The following SUPV3L1 variants were observed in gnomAD, a reference collection of about 807,000 sequenced individuals.
SUPV3L1 encodes ATP-dependent RNA helicase SUPV3L1, mitochondrial.
SUPV3L1 carries 35 observed loss-of-function variants against 70.0 expected under a neutral mutation model. The ratio of observed to expected loss-of-function variants is 0.50; its 90% CI spans 0.38 to 0.66. SUPV3L1 has a LOEUF of 0.66. SUPV3L1 is among the 30% of genes least tolerant of loss of function. SUPV3L1 has a pLI of 0.00. For synonymous variants in SUPV3L1, 364 were observed against 341.9 expected (o/e 1.06, Z -0.71); for missense variants, 777 against 961.5 (o/e 0.81, Z 2.54).
Position 69,198,315 on chromosome 10 carries a change from T to C in SUPV3L1, c.1024-57T>C, listed in dbSNP as rs932236926. 2.7e-6 allele frequency: 4 copies of C among 1,481,928 alleles called. No homozygotes were observed. In the South Asian group the frequency reaches 5.3e-5, roughly 20 times the overall value. The allele number at this position is 1,481,928 out of a possible 1,614,324, so 91.8% of individuals were successfully genotyped here. On this transcript the variant is annotated intron_variant, in intron 8 of 14. Transcript: ENST00000359655. Reference sequence around the variant, plus strand: ...CATTACAATCTTTTCACTTAATTACTAGTCACAAGAAGTTGAGTTGGGTGT... The same window carrying C: ...CATTACAATCTTTTCACTTAATTACCAGTCACAAGAAGTTGAGTTGGGTGT...
intron 7 of SUPV3L1, among the ~76,000 whole-genome samples, chr10:69,195,829 ACCT>A (rs1842527946): frequency 6.6e-6 from 1 of 151,978 alleles, no homozygotes; most frequent in African/African-American, 2.4e-5. Context: ...TGCAGCCTTG[ACCT>A]CCTGGGCTCA....
intron 2 of SUPV3L1, among the ~76,000 whole-genome samples, 174 bp downstream of exon 2, chr10:69,186,238 C>T (rs568909905): frequency 2.0e-4 from 30 of 148,816 alleles, no homozygotes; most frequent in South Asian, 6.5e-4. Context: ...CCATACTGCA[C>T]GGCAGAGGAG....
rs952364277 is a variant in SUPV3L1 at position 69,182,521 on chromosome 10, T to C, written c.271+1959T>C. 8.1e-6 allele frequency: 8 copies of C among 985,250 alleles called. No homozygotes were observed. In the African/African-American group the frequency reaches 1.4e-4, roughly 17 times the overall value. 61.0% of individuals were successfully genotyped at this position (985,250 alleles called of 1,614,324 possible). ...TTGATAAATTCTTATTTTCTGCAGC[T>C]ATTCCAATTCACCTGAAAATGTAAA... On this transcript the variant is annotated intron_variant, in intron 1 of 14. Coordinates refer to ENST00000359655, the MANE Select transcript of SUPV3L1 (RefSeq NM_003171.5).
At position 69,191,625 on chromosome 10, in the gene SUPV3L1, A is replaced by G. The variant is rs111828682; in HGVS notation, c.742-30A>G. The G allele has an allele frequency of 1.1e-4, 176 of 1,583,246 alleles. 4 individuals are homozygous for G. The African/African-American group carries it at 1.6e-3, about 15-fold the overall frequency. On this transcript the variant is annotated intron_variant, in intron 5 of 14. Transcript: ENST00000359655. ...AAAACGTATTTTTGCATTATTTTCAATAATTCTAGTTTTTTTTCTGTCTTT... is the reference window on the plus strand; with the variant it reads ...AAAACGTATTTTTGCATTATTTTCAGTAATTCTAGTTTTTTTTCTGTCTTT...
At chr10:69,191,504 G>T in intron 5 of SUPV3L1, 151 bp from the exon 6 acceptor site, 1 of 625,340 alleles carries the variant, frequency 1.6e-6, no homozygotes, top group Non-Finnish European at 2.8e-6. Context: ...TGGGATTACA[G>T]GCATGAGCCA....
At chr10:69,190,576 TCTTA>T (rs1252308934) in intron 5 of SUPV3L1, among the ~76,000 whole-genome samples, 3 of 152,238 alleles carry the variant, frequency 2.0e-5, no homozygotes, top group Non-Finnish European at 2.9e-5. Context: ...GATAGATTAC[TCTTA>T]CTTAATACAC....
rs187895733 is a variant in SUPV3L1 at position 69,195,102 on chromosome 10, G to T, written c.854-86G>T. 220 of 1,035,656 alleles carry T rather than the reference G, an allele frequency of 2.1e-4. No homozygotes were observed. In the African/African-American group the frequency reaches 2.9e-3, roughly 14 times the overall value. 64.2% of individuals were successfully genotyped at this position (1,035,656 alleles called of 1,614,324 possible). The stretch of plus-strand genomic sequence containing the variant: ...AGTAAGTGATGGTGGTAGTGGTGAT[G>T]GTGATGCTTGAATTTTGGTGTTGGA... On this transcript the variant is annotated intron_variant, in intron 6 of 14. Coordinates refer to ENST00000359655, the MANE Select transcript of SUPV3L1 (RefSeq NM_003171.5).
At chr10:69,205,523 C>T (rs375902190) in intron 13 of SUPV3L1, among the ~76,000 whole-genome samples, 5 of 151,792 alleles carry the variant, frequency 3.3e-5, no homozygotes, top group African/African-American at 7.2e-5. Flanking sequence ...TACAGGTGTG[C>T]GCCATGATGC....
chr10:69,201,347 CG>C (rs1842675379), intron 11 of SUPV3L1, among the ~76,000 whole-genome samples: 1 of 152,046 alleles, frequency 6.6e-6, no homozygotes, highest in Non-Finnish European at 1.5e-5. Flanking sequence ...CATGTCCTAA[CG>C]GTGTAATGTG....
chr10:69,185,364 C>T (rs370935145), intron 1 of SUPV3L1, among the ~76,000 whole-genome samples: 4 of 152,162 alleles, frequency 2.6e-5, no homozygotes, highest in African/African-American at 9.7e-5. Context: ...TGTGCAGAAT[C>T]GTTATAAGTG....
intron 6 of SUPV3L1, among the ~76,000 whole-genome samples, chr10:69,194,086 C>T (rs1302370053): frequency 1.3e-5 from 2 of 152,142 alleles, no homozygotes; most frequent in African/African-American, 4.8e-5. Context: ...TTGCCTTCTT[C>T]TTTTACTTCT....
intron 13 of SUPV3L1, among the ~76,000 whole-genome samples, chr10:69,207,455 C>T (rs1842860113): frequency 6.6e-6 from 1 of 152,168 alleles, no homozygotes; most frequent in Non-Finnish European, 1.5e-5. Flanking sequence ...GATGGAATCA[C>T]AGGCACACAC....
chr10:69,191,716 A>G lies in SUPV3L1; in HGVS notation c.803A>G (p.Gln268Arg), dbSNP rs763977147. The G allele has an allele frequency of 4.3e-6, 7 of 1,613,956 alleles. No individual in the cohort carries two copies. In the Admixed American group the frequency reaches 1.2e-4, roughly 27 times the overall value. ...GTGACAGTTCAGCCAAATGGGAAAC[A>G]GGCTTCACATGTTTCTTGTACAGTT... ...ERVTVQPNGKQASHVSCTVEM... is the reference protein window; with the variant it reads ...ERVTVQPNGKRASHVSCTVEM... The change falls in exon 6 of 15, where the codon CAG becomes CGG. Residue 268 changes from glutamine to arginine, a missense_variant. By Grantham distance (43) the Gln-to-Arg change is conservative. Around this residue, in one of 2 missense-constraint regions of SUPV3L1, gnomAD observed 619 missense variants for 823.3 expected, o/e 0.75. Transcript: ENST00000359655.
Position 69,199,132 on chromosome 10 carries a change from T to C in SUPV3L1, c.1233T>C (p.Phe411=). Residue 411 remains phenylalanine (F), a synonymous_variant, in exon 10 of 15, where the codon TTT becomes TTC. Transcript: ENST00000359655. ...CCAAACTTGCTCAAGCAAAAAAGTTTAATGATCCCAATGACCCATGCAAAA... is the reference window on the plus strand; with the variant it reads ...CCAAACTTGCTCAAGCAAAAAAGTTCAATGATCCCAATGACCCATGCAAAA... ...PGTKLAQAKK[F]NDPNDPCKIL... The C allele has an allele frequency of 1.2e-6, 2 of 1,612,058 alleles. No individual in the cohort carries two copies. The highest frequency in any genetic ancestry group is 4.5e-5 in the East Asian group (2 of 44,778).
intron 5 of SUPV3L1, 27 bp downstream of exon 5, chr10:69,189,462 A>G: frequency 1.9e-6 from 3 of 1,544,428 alleles, no homozygotes; most frequent in Non-Finnish European, 1.7e-6. Context: ...ATATTTGCTC[A>G]TTTTTTTCTT....
intron 2 of SUPV3L1, 102 bp from the exon 3 acceptor site, chr10:69,186,341 A>AGG (rs369844108): frequency 1.6e-6 from 1 of 635,058 alleles, no homozygotes; most frequent in Non-Finnish European, 2.6e-6. Context: ...AAAAAAAAAA[A>AGG]AAAGAAAAAA....
chr10:69,205,058 A>ATTGTGCCC (rs1454400188), intron 13 of SUPV3L1, among the ~76,000 whole-genome samples: 1 of 152,232 alleles, frequency 6.6e-6, no homozygotes, highest in Non-Finnish European at 1.5e-5. Flanking sequence ...GGCATGAGCC[A>ATTGTGCCC]TTGTGCCCAG....
chr10:69,188,800 G>T (rs1234235430), intron 4 of SUPV3L1, among the ~76,000 whole-genome samples: 1 of 152,110 alleles, frequency 6.6e-6, no homozygotes, highest in Non-Finnish European at 1.5e-5. Context: ...TGCCTCGCCT[G>T]TACTTGTTTT....
chr10:69,197,629 G>C (rs1313303633), intron 8 of SUPV3L1, among the ~76,000 whole-genome samples: 1 of 152,016 alleles, frequency 6.6e-6, no homozygotes, highest in Non-Finnish European at 1.5e-5. Flanking sequence ...GAGTGCTGTG[G>C]TGCAATCACA....
Sources: gnomAD v4.1 joint callset for allele counts (sites outside exome capture counted in the v4.1 genomes callset) on GRCh38, gnomAD v4.1.1 for gene constraint, gnomAD v4.1.1 regional missense constraint, MANE v1.5 for transcripts, NCBI Gene and HGNC (gene_info 2026-07-23, HGNC 2026-07-21) for gene names.